NUP37: variants seen among roughly 807,000 people sequenced by gnomAD.
NUP37 encodes the protein nucleoporin Nup37.
In NUP37, 33 loss-of-function variants were observed where a neutral mutation model predicts 45.4. The observed-to-expected ratio is 0.73, with a 90% CI of 0.55 to 0.97. The LOEUF is 0.97. Among genes scored for constraint, NUP37 ranks in the 50% least tolerant of loss-of-function variants. The probability of loss-of-function intolerance (pLI) is 0.00; values close to 1 mark genes in which losing one functional copy is unlikely to be tolerated. For missense variants in NUP37, 365 were observed against 389.7 expected, an observed-to-expected ratio of 0.94 and a Z score of 0.53; for synonymous variants, 127 against 130.7, an observed-to-expected ratio of 0.97 and a Z score of 0.19.
At chr12:102,094,383 G>A (rs12318787) in intron 5 of NUP37, among the ~76,000 whole-genome samples, 2,562 of 152,124 alleles carry the variant, frequency 0.017, 68 homozygotes, top group African/African-American at 0.059. Flanking sequence ...ACTCCCAGAC[G>A]TGGATTACTT....
intron 6 of NUP37, among the ~76,000 whole-genome samples, chr12:102,079,471 A>C (rs1879272484): frequency 6.6e-6 from 1 of 152,306 alleles, no homozygotes; most frequent in Admixed American, 6.5e-5. Context: ...CCACTGGGGA[A>C]ATACACAGTT....
intron 5 of NUP37, among the ~76,000 whole-genome samples, chr12:102,096,510 A>G (rs1879807617): frequency 6.6e-6 from 1 of 152,178 alleles, no homozygotes; most frequent in Admixed American, 6.5e-5. Flanking sequence ...ATTATAATAT[A>G]GTGTCTTTCT....
At chr12:102,101,516 G>A (rs944570863) in intron 3 of NUP37, among the ~76,000 whole-genome samples, 2 of 151,868 alleles carry the variant, frequency 1.3e-5, no homozygotes, top group Non-Finnish European at 1.5e-5. Context: ...CTTAGTCTTT[G>A]CCCTCTTCTG....
At position 102,074,409 on chromosome 12, in the gene NUP37, G is replaced by A; in HGVS notation, c.926C>T (p.Pro309Leu). 1.2e-6 allele frequency: 2 copies of A among 1,613,242 alleles called. No individual in the cohort carries two copies. Among genetic ancestry groups the A allele is most frequent in the Non-Finnish European group, 8.5e-7 (1 of 1,179,490 alleles). ...GSGLSWHRTL[P>L]LCVIGGDHKL... ...GTGGTCTCCTCCAATTACACACAGA[G>A]GGAGAGTTCGATGCCAGGACAGTCC... Residue 309 changes from proline (P) to leucine (L), a missense_variant, in exon 10 of 10, where the codon CCT becomes CTT. Physicochemically the swap from Pro to Leu is moderately conservative, Grantham distance 98. Transcript: ENST00000552283.
At chr12:102,101,556 C>T (rs1879972396) in intron 3 of NUP37, among the ~76,000 whole-genome samples, 1 of 151,820 alleles carries the variant, frequency 6.6e-6, no homozygotes, top group Non-Finnish European at 1.5e-5. Flanking sequence ...TTTTCTATTC[C>T]TCCAAATAAA....
At chr12:102,104,712 C>T (rs181910685) in intron 3 of NUP37, among the ~76,000 whole-genome samples, 8 of 152,214 alleles carry the variant, frequency 5.3e-5, no homozygotes, top group Admixed American at 6.5e-5. Flanking sequence ...TATCCTTTTC[C>T]CCATTGTGTA....
chr12:102,095,825 T>A (rs984134820), intron 5 of NUP37, among the ~76,000 whole-genome samples: 1 of 152,106 alleles, frequency 6.6e-6, no homozygotes, highest in Non-Finnish European at 1.5e-5. Flanking sequence ...TGAGCTTTTA[T>A]CCTAAAACTG....
chr12:102,078,132 A>G (rs943775777), intron 6 of NUP37, among the ~76,000 whole-genome samples: 1 of 151,598 alleles, frequency 6.6e-6, no homozygotes, highest in Non-Finnish European at 1.5e-5. Context: ...GTTCGAGATC[A>G]GCCTGGCCAA....
At chr12:102,104,554 T>A (rs928975001) in intron 3 of NUP37, among the ~76,000 whole-genome samples, 3 of 152,226 alleles carry the variant, frequency 2.0e-5, no homozygotes, top group East Asian at 3.8e-4. Context: ...AAATCTGGTG[T>A]CATAAAGCTT....
At chr12:102,098,535 GTT>G (rs1264333347) in intron 5 of NUP37, among the ~76,000 whole-genome samples, 4 of 142,044 alleles carry the variant, frequency 2.8e-5, no homozygotes, top group Admixed American at 7.1e-5. Flanking sequence ...ATATGTTTGT[GTT>G]TTTTTTTTTT....
intron 3 of NUP37, 147 bp downstream of exon 3, chr12:102,111,961 A>T (rs565953335): frequency 1.5e-6 from 1 of 687,114 alleles, no homozygotes; most frequent in Non-Finnish European, 2.4e-6. Flanking sequence ...AGCCTAAATT[A>T]TTAAGTAGTA....
chr12:102,102,126 C>G (rs1381668328), intron 3 of NUP37, among the ~76,000 whole-genome samples: 1 of 152,138 alleles, frequency 6.6e-6, no homozygotes, highest in Admixed American at 6.5e-5. Context: ...TATTTATATA[C>G]TGAAAAACAA....
Position 102,105,319 on chromosome 12 carries a change from G to A in NUP37, c.282-4215C>T, listed in dbSNP as rs188261447. ...ATGGGCAGACTACTTGAGCCCAGGCGTTCCAGACCAGCCTGGGTAACATGG... is the reference window on the plus strand; with the variant it reads ...ATGGGCAGACTACTTGAGCCCAGGCATTCCAGACCAGCCTGGGTAACATGG... On this transcript the variant is annotated intron_variant, in intron 3 of 9. Coordinates refer to ENST00000552283, the MANE Select transcript of NUP37 (RefSeq NM_024057.4). 4.6e-5 allele frequency among the ~76,000 whole-genome samples: 7 copies of A among 151,590 alleles called. No homozygotes were observed. The East Asian group carries it at 1.2e-3, about 25-fold the overall frequency.
intron 5 of NUP37, among the ~76,000 whole-genome samples, chr12:102,091,415 A>C (rs1458908069): frequency 3.3e-5 from 5 of 149,760 alleles, no homozygotes; most frequent in African/African-American, 9.8e-5. Context: ...AAAAAAAAAA[A>C]AAAAAAAAAA....
In NUP37 at chr12:102,101,090, G is replaced by T; in HGVS notation, c.296C>A (p.Ala99Asp). Residue 99 changes from alanine to aspartate, a missense_variant, in exon 4 of 10, where the codon GCT becomes GAT. Ala to Asp is a moderately radical substitution (Grantham distance 126, BLOSUM62 -2). Transcript: ENST00000552283. ...LPPVIKFCTS[A>D]ADMKIRLFTS... ...AAATAATCTAATTTTCATATCAGCA[G>T]CTGAAGTACAAAATCTGGAAGCAAA... 6.4e-7 allele frequency: 1 copy of T among 1,562,964 alleles called. No homozygotes were observed. Among genetic ancestry groups the T allele is most frequent in the Non-Finnish European group, 8.7e-7 (1 of 1,152,562 alleles).
At chr12:102,100,432 G>A (rs1879938020) in intron 4 of NUP37, among the ~76,000 whole-genome samples, 1 of 152,142 alleles carries the variant, frequency 6.6e-6, no homozygotes, top group Non-Finnish European at 1.5e-5. Context: ...CACACATACG[G>A]CGTTTACTAT....
At chr12:102,115,709 T>C in intron 2 of NUP37, 1 of 430,830 alleles carries the variant, frequency 2.3e-6, no homozygotes, top group South Asian at 9.8e-5. Context: ...TTTATTGAAA[T>C]TCAAATTCAC....
intron 3 of NUP37, among the ~76,000 whole-genome samples, chr12:102,103,296 G>A (rs2136744074): frequency 6.6e-6 from 1 of 152,188 alleles, no homozygotes; most frequent in Non-Finnish European, 1.5e-5. Context: ...TATCGTTTCT[G>A]TGTACAGATC....
chr12:102,092,368 AAAG>A (rs1200849267), intron 5 of NUP37, among the ~76,000 whole-genome samples: 1 of 152,228 alleles, frequency 6.6e-6, no homozygotes, highest in Non-Finnish European at 1.5e-5. Flanking sequence ...GTAAGAAAGA[AAAG>A]AACAAAGTAA....
Sources: allele counts gnomAD v4.1 joint callset (sites outside exome capture counted in the v4.1 genomes callset), GRCh38; gene constraint gnomAD v4.1.1; transcripts MANE v1.5; gene names NCBI Gene and HGNC (gene_info 2026-07-23, HGNC 2026-07-21).